Variants in BFSP1 observed in about 807,000 individuals in gnomAD.
BFSP1 encodes the protein beaded filament structural protein 1, also known as filensin.
A neutral mutation model predicts 43.9 loss-of-function variants in BFSP1; 38 were observed. The observed-to-expected ratio is 0.87, with a 90% CI of 0.67 to 1.14. The LOEUF (loss-of-function observed/expected upper bound fraction) is 1.14, where lower values mean the gene tolerates loss of function less well. Ranked by LOEUF, BFSP1 falls within the 50% of genes most tolerant of loss-of-function variation. The pLI, the probability that BFSP1 is intolerant of heterozygous loss-of-function variation, is 0.00. For synonymous variants in BFSP1, 352 were observed against 354.8 expected (o/e 0.99, Z 0.09); for missense variants, 850 against 875.1 (o/e 0.97, Z 0.36).
At chr20:17,501,436 G>A (rs2033797177) in intron 5 of BFSP1, among the ~76,000 whole-genome samples, 1 of 152,022 alleles carries the variant, frequency 6.6e-6, no homozygotes, top group African/African-American at 2.4e-5. Flanking sequence ...GTGGTGGCTG[G>A]TGCCTGTAAT....
At chr20:17,514,903 T>C in intron 2 of BFSP1, 87 bp from the exon 3 acceptor site, 3 of 1,193,078 alleles carry the variant, frequency 2.5e-6, no homozygotes, top group South Asian at 2.4e-5. Flanking sequence ...ACAGACCACC[T>C]GGGAGCTTAC....
At chr20:17,568,753 T>C (rs1247338675) in intron 1 of BFSP1, among the ~76,000 whole-genome samples, 1 of 152,074 alleles carries the variant, frequency 6.6e-6, no homozygotes, top group East Asian at 1.9e-4. Context: ...GTTCCTATGT[T>C]GAGTGGGGCA....
chr20:17,517,403 C>T (rs1382660908), intron 2 of BFSP1: 2 of 741,034 alleles, frequency 2.7e-6, no homozygotes, highest in African/African-American at 1.7e-5. Flanking sequence ...CCTGCCTCAG[C>T]CTCCCAAGTA....
chr20:17,519,415 T>C (rs2034271545), intron 2 of BFSP1, among the ~76,000 whole-genome samples: 1 of 152,196 alleles, frequency 6.6e-6, no homozygotes. Flanking sequence ...CGATGCAACA[T>C]GAGGGCTCTG....
intron 6 of BFSP1, among the ~76,000 whole-genome samples, chr20:17,498,540 G>A (rs1276735943): frequency 6.6e-6 from 1 of 152,174 alleles, no homozygotes; most frequent in Non-Finnish European, 1.5e-5. Context: ...AGGCTTCTCA[G>A]TGAGGCCTTT....
At chr20:17,509,482 G>T (rs749600017) in intron 4 of BFSP1, among the ~76,000 whole-genome samples, 29 of 152,194 alleles carry the variant, frequency 1.9e-4, no homozygotes, top group Non-Finnish European at 2.9e-5. Context: ...AATGCCTTTT[G>T]CTTTGTCTTC....
intron 1 of BFSP1, among the ~76,000 whole-genome samples, chr20:17,548,499 A>G (rs1364786858): frequency 6.6e-6 from 1 of 152,208 alleles, no homozygotes; most frequent in Non-Finnish European, 1.5e-5. Context: ...TCCTGCAAAT[A>G]CCTGTATGAA....
At chr20:17,558,119 TG>T (rs34263570) in intron 1 of BFSP1, among the ~76,000 whole-genome samples, 11,392 of 148,616 alleles carry the variant, frequency 0.077, 635 homozygotes, top group African/African-American at 0.16. Flanking sequence ...CACACAAAGA[TG>T]GGGGGGGGTT....
At chr20:17,541,519 C>T (rs2034718164) in intron 1 of BFSP1, among the ~76,000 whole-genome samples, 1 of 152,164 alleles carries the variant, frequency 6.6e-6, no homozygotes, top group Non-Finnish European at 1.5e-5. Flanking sequence ...AACAAAAATA[C>T]ATTTATTAAG....
intron 1 of BFSP1, among the ~76,000 whole-genome samples, chr20:17,567,936 T>TA (rs1419998339): frequency 2.7e-5 from 4 of 145,944 alleles, no homozygotes; most frequent in Non-Finnish European, 6.0e-5. Context: ...GAAGGAGTTG[T>TA]AAGGGGTACG....
intron 1 of BFSP1, among the ~76,000 whole-genome samples, chr20:17,528,288 GC>G (rs1351273992): frequency 3.9e-5 from 6 of 152,254 alleles, no homozygotes; most frequent in Non-Finnish European, 8.8e-5. Flanking sequence ...TGATGGAACT[GC>G]TTCATGATGG....
chr20:17,500,521 T>TA (rs560560832), intron 5 of BFSP1, among the ~76,000 whole-genome samples: 201 of 152,156 alleles, frequency 1.3e-3, no homozygotes, highest in African/African-American at 4.5e-3. Flanking sequence ...GCCAGTTGCA[T>TA]AAAAAAAAGT....
intron 2 of BFSP1, chr20:17,517,355 C>G: frequency 3.1e-6 from 3 of 960,592 alleles, no homozygotes; most frequent in Non-Finnish European, 5.0e-6. Context: ...CAAAACAAAA[C>G]AAACAAACAA....
Position 17,507,624 on chromosome 20 carries a change from C to G in BFSP1, c.735+1265G>C, listed in dbSNP as rs1229320915. The stretch of plus-strand genomic sequence containing the variant: ...CTTCACATACACATCCCACATATAT[C>G]ACACATACCATGTATATCACACACA... On this transcript the variant is annotated intron_variant, in intron 5 of 7. Coordinates refer to ENST00000377873, the MANE Select transcript of BFSP1 (RefSeq NM_001195.5). This position sits in a 1 kb window ranked among gnomAD's most constrained non-coding sequence, Gnocchi z 4.4. 6.6e-6 allele frequency among the ~76,000 whole-genome samples: 1 copy of G among 151,926 alleles called. No homozygotes were observed. Among genetic ancestry groups the G allele is most frequent in the East Asian group, 1.9e-4 (1 of 5,178 alleles).
chr20:17,547,884 C>T (rs1369018264), intron 1 of BFSP1, among the ~76,000 whole-genome samples: 1 of 146,856 alleles, frequency 6.8e-6, no homozygotes, highest in African/African-American at 2.5e-5. Context: ...GCTTATGCCA[C>T]CATGCCCGGC....
chr20:17,521,341 C>T (rs1298126559), intron 2 of BFSP1, among the ~76,000 whole-genome samples: 2 of 152,188 alleles, frequency 1.3e-5, no homozygotes, highest in Non-Finnish European at 2.9e-5. Context: ...ACACGGGCAG[C>T]ATGAAGAAAT....
chr20:17,495,164 G>A (rs1455192529), intron 7 of BFSP1, 135 bp from the exon 8 acceptor site: 2 of 864,638 alleles, frequency 2.3e-6, no homozygotes, highest in East Asian at 2.6e-5. Context: ...TTCATCTGGA[G>A]CAGAAGCAAT....
intron 1 of BFSP1, among the ~76,000 whole-genome samples, chr20:17,568,398 G>GT (rs1051095412): frequency 6.6e-6 from 1 of 152,140 alleles, no homozygotes; most frequent in African/African-American, 2.4e-5. Context: ...ATTAAGAAGT[G>GT]TAAGGGCCAC....
chr20:17,538,124 A>AG (rs1207535648), intron 1 of BFSP1, among the ~76,000 whole-genome samples: 1 of 151,558 alleles, frequency 6.6e-6, no homozygotes, highest in Non-Finnish European at 1.5e-5. Flanking sequence ...GTGTCTCAAA[A>AG]GAAAAAAAAA....
Sources: allele counts gnomAD v4.1 joint callset (sites outside exome capture counted in the v4.1 genomes callset), GRCh38; gene constraint gnomAD v4.1.1; non-coding constraint Gnocchi (gnomAD v3.1); transcripts MANE v1.5; gene names NCBI Gene and HGNC (gene_info 2026-07-23, HGNC 2026-07-21).